Variants in CSNK1G1 observed in about 807,000 individuals in gnomAD.
CSNK1G1 encodes the protein casein kinase 1 gamma 1.
CSNK1G1 carries 22 observed loss-of-function variants against 59.6 expected under a neutral mutation model. That is an observed-to-expected ratio of 0.37 (90% CI 0.26 to 0.53). CSNK1G1 has a LOEUF of 0.53. Ranked by LOEUF, CSNK1G1 falls within the 20% of genes least tolerant of loss-of-function variation. The pLI is 0.89. For synonymous variants in CSNK1G1, 179 were observed against 177.1 expected, an observed-to-expected ratio of 1.01 and a Z score of -0.08; for missense variants, 384 against 519.5, an observed-to-expected ratio of 0.74 and a Z score of 2.54.
intron 4 of CSNK1G1, among the ~76,000 whole-genome samples, chr15:64,222,102 AG>A: frequency 6.6e-6 from 1 of 152,182 alleles, no homozygotes. Flanking sequence ...AGCCATAAAA[AG>A]GAACAAGATC....
intron 3 of CSNK1G1, among the ~76,000 whole-genome samples, chr15:64,257,650 G>A (rs570186957): frequency 6.6e-6 from 1 of 152,218 alleles, no homozygotes; most frequent in African/African-American, 2.4e-5. Flanking sequence ...AGCCTCCAAA[G>A]TAGTGGGGAC....
In CSNK1G1 at chr15:64,277,581, TTAA is replaced by T. The variant is rs1003438446; in HGVS notation, c.182-18343_182-18341del. 1.6e-3 allele frequency among the ~76,000 whole-genome samples: 225 copies of T among 137,300 alleles called. 1 individual carries two copies. The highest frequency in any genetic ancestry group is 5.5e-3 in the African/African-American group (216 of 39,336). 90.1% of individuals were successfully genotyped at this position (137,300 alleles called of 152,430 possible). On this transcript the variant is annotated intron_variant, in intron 2 of 11. Coordinates refer to ENST00000303052, the MANE Select transcript of CSNK1G1 (RefSeq NM_022048.5). ...AATAAAATTTAATATAATAAATATA[TTAA>T]TATTAATATATTTAATAATATATTA...
At chr15:64,299,363 C>A (rs186744670) in intron 2 of CSNK1G1, among the ~76,000 whole-genome samples, 20 of 151,926 alleles carry the variant, frequency 1.3e-4, no homozygotes, top group African/African-American at 4.8e-4. Flanking sequence ...CCGAGGCGGG[C>A]GGATCACGAA....
intron 2 of CSNK1G1, among the ~76,000 whole-genome samples, chr15:64,300,035 G>C (rs755202795): frequency 9.2e-5 from 14 of 152,070 alleles, no homozygotes; most frequent in Non-Finnish European, 2.1e-4. Context: ...TCCTAAATCA[G>C]AGTCTGCATT....
chr15:64,286,946 T>G (rs1230862178), intron 2 of CSNK1G1, among the ~76,000 whole-genome samples: 3 of 152,200 alleles, frequency 2.0e-5, no homozygotes, highest in African/African-American at 7.2e-5. Flanking sequence ...TAGTTATCAT[T>G]TTATACTTTA....
At chr15:64,201,858 G>C (rs1209181008) in intron 10 of CSNK1G1, among the ~76,000 whole-genome samples, 5 of 152,126 alleles carry the variant, frequency 3.3e-5, no homozygotes, top group African/African-American at 1.2e-4. Context: ...ATCATAAGGA[G>C]AGGAAATAAG....
intron 2 of CSNK1G1, among the ~76,000 whole-genome samples, chr15:64,284,431 A>T (rs1894301022): frequency 1.3e-5 from 2 of 152,148 alleles, no homozygotes; most frequent in South Asian, 4.1e-4. Context: ...AACAATATTA[A>T]ATCTTGAGAT....
chr15:64,207,229 C>A (rs1158196901), intron 7 of CSNK1G1, among the ~76,000 whole-genome samples: 1 of 152,198 alleles, frequency 6.6e-6, no homozygotes, highest in Non-Finnish European at 1.5e-5. Context: ...CTTCTTATCT[C>A]CAGAGCCAAT....
intron 1 of CSNK1G1, among the ~76,000 whole-genome samples, chr15:64,347,920 C>A (rs774882363): frequency 1.3e-5 from 2 of 151,680 alleles, no homozygotes; most frequent in African/African-American, 4.8e-5. Flanking sequence ...GCAGGGGAAT[C>A]GCTTGAACCC....
Position 64,178,487 on chromosome 15 carries a change from T to C in CSNK1G1, c.1214+1861A>G, listed in dbSNP as rs576049870. Among the ~76,000 whole-genome samples the C allele has an allele frequency of 2.2e-4, 32 of 146,342 alleles. No individual in the cohort carries two copies. The South Asian group carries it at 5.1e-3, about 24-fold the overall frequency. On this transcript the variant is annotated intron_variant, in intron 11 of 11. Coordinates refer to ENST00000303052, the MANE Select transcript of CSNK1G1 (RefSeq NM_022048.5). ...GTTTTCCAAGCAAAAATTTTCTTTT[T>C]TTTTTTTTTTTTTGAGATGGAGTCT...
chr15:64,194,512 CTTTTCTTTTT>C (rs1258279285), intron 10 of CSNK1G1, among the ~76,000 whole-genome samples: 1 of 140,232 alleles, frequency 7.1e-6, no homozygotes, highest in African/African-American at 2.7e-5. Flanking sequence ...CTTTTCTTTT[CTTTTCTTTTT>C]TTTTTTTTTT....
At chr15:64,267,001 C>T (rs1406257737) in intron 2 of CSNK1G1, among the ~76,000 whole-genome samples, 1 of 152,084 alleles carries the variant, frequency 6.6e-6, no homozygotes, top group Non-Finnish European at 1.5e-5. Flanking sequence ...TCATGCCTCT[C>T]ATCCTAGCAT....
At chr15:64,290,953 A>T (rs1337818950) in intron 2 of CSNK1G1, among the ~76,000 whole-genome samples, 1 of 152,046 alleles carries the variant, frequency 6.6e-6, no homozygotes, top group Admixed American at 6.6e-5. Flanking sequence ...ACCTCAGATG[A>T]TCTGTCTGCT....
rs185138049 is a variant in CSNK1G1, at chr15:64,208,950, T to C, written c.680-1356A>G. 1.7e-3 allele frequency among the ~76,000 whole-genome samples: 252 copies of C among 151,750 alleles called. 1 individual carries two copies. Among genetic ancestry groups the C allele is most frequent in the African/African-American group, 5.5e-3 (229 of 41,356 alleles). On this transcript the variant is annotated intron_variant, in intron 6 of 11. Coordinates refer to ENST00000303052, the MANE Select transcript of CSNK1G1 (RefSeq NM_022048.5). The stretch of plus-strand genomic sequence containing the variant: ...TTGCCTAGGCTAGAGTACAGTAGCA[T>C]GTTCTTGGACACTGCAGCCTCGCCC...
intron 4 of CSNK1G1, among the ~76,000 whole-genome samples, chr15:64,246,638 AAGGG>A (rs773373788): frequency 7.3e-5 from 8 of 110,034 alleles, no homozygotes; most frequent in South Asian, 4.7e-4. Flanking sequence ...AAAAAAAAAA[AAGGG>A]GGGGGGGGAG....
At chr15:64,350,098 GT>G (rs1248385203) in intron 1 of CSNK1G1, among the ~76,000 whole-genome samples, 1 of 151,968 alleles carries the variant, frequency 6.6e-6, no homozygotes, top group East Asian at 1.9e-4. Context: ...TTCTTTTCTG[GT>G]TTTAAGACAT....
chr15:64,194,816 T>C (rs2082019446), intron 10 of CSNK1G1, among the ~76,000 whole-genome samples: 2 of 152,160 alleles, frequency 1.3e-5, no homozygotes, highest in South Asian at 4.1e-4. Flanking sequence ...AGCCACAATA[T>C]ATTTTTCTAA....
chr15:64,205,055 G>A, intron 7 of CSNK1G1, 106 bp from the exon 8 acceptor site: 1 of 620,310 alleles, frequency 1.6e-6, no homozygotes, highest in Non-Finnish European at 2.7e-6. Flanking sequence ...CGCAGTATTT[G>A]TTGGTCTTGA....
chr15:64,279,971 C>G (rs1385468136), intron 2 of CSNK1G1, among the ~76,000 whole-genome samples: 1 of 91,826 alleles, frequency 1.1e-5, no homozygotes, highest in African/African-American at 4.1e-5. Context: ...GACTCCATCT[C>G]AAAAAAAAAA....
Sources: gnomAD v4.1 joint callset for allele counts (sites outside exome capture counted in the v4.1 genomes callset) on GRCh38, gnomAD v4.1.1 for gene constraint, MANE v1.5 for transcripts, NCBI Gene and HGNC (gene_info 2026-07-23, HGNC 2026-07-21) for gene names.